EPHA5: variants seen among roughly 807,000 people sequenced by gnomAD.
The protein encoded by EPHA5 is EPH receptor A5, also known as ephrin type-A receptor 5.
Under a neutral mutation model 105.0 loss-of-function variants are expected in EPHA5, and 60 were observed. The ratio of observed to expected loss-of-function variants is 0.57; its 90% CI spans 0.46 to 0.71. The LOEUF is 0.71. EPHA5 is among the 30% of genes least tolerant of loss of function. EPHA5 has a pLI of 0.00. For missense variants in EPHA5, 1,218 were observed against 1,274.7 expected (o/e 0.96, Z 0.68); for synonymous variants, 513 against 449.1 (o/e 1.14, Z -1.80).
At chr4:65,633,794 T>G (rs1346069129) in intron 2 of EPHA5, among the ~76,000 whole-genome samples, 1 of 152,050 alleles carries the variant, frequency 6.6e-6, no homozygotes, top group Non-Finnish European at 1.5e-5. Flanking sequence ...TGTATATGAC[T>G]CTATAAATGC....
At chr4:65,335,615 C>T (rs116772516) in intron 15 of EPHA5, among the ~76,000 whole-genome samples, 12,647 of 151,678 alleles carry the variant, frequency 0.083, 594 homozygotes, top group Middle Eastern at 0.14. Context: ...CATTCCTCCT[C>T]CTCACCTATC....
At chr4:65,353,542 A>G (rs1205803334) in intron 11 of EPHA5, among the ~76,000 whole-genome samples, 2 of 150,986 alleles carry the variant, frequency 1.3e-5, no homozygotes, top group Non-Finnish European at 3.0e-5. Context: ...ACCCTTGCCA[A>G]TATCATCACT....
At chr4:65,517,430 T>G (rs1317001381) in intron 3 of EPHA5, among the ~76,000 whole-genome samples, 2 of 151,920 alleles carry the variant, frequency 1.3e-5, no homozygotes, top group African/African-American at 4.8e-5. Context: ...TTTGAGTAAC[T>G]TTTATTCAGA....
At chr4:65,620,176 T>A (rs1745595575) in intron 2 of EPHA5, among the ~76,000 whole-genome samples, 1 of 150,170 alleles carries the variant, frequency 6.7e-6, no homozygotes. Flanking sequence ...AAGAATGAAG[T>A]ATGTGCCTAG....
chr4:65,392,827 C>A (rs1031604012), intron 8 of EPHA5, among the ~76,000 whole-genome samples: 5 of 152,054 alleles, frequency 3.3e-5, no homozygotes, highest in Non-Finnish European at 7.4e-5. Context: ...GAGATTGATG[C>A]ACAGCTCATC....
In EPHA5 at chr4:65,490,418, G is replaced by T. The variant is rs1731284202; in HGVS notation, c.1361C>A (p.Ala454Asp). ...TACATTTACAGACACATACTGCCGG[G>T]CTCCTGGGCTCAAGTCGGACACTCC... ...VNGVSDLSPG[A>D]RQYVSVNVTT... is the part of the protein sequence containing the mutation. Residue 454 changes from alanine (A) to aspartate (D), a missense_variant, in exon 5 of 17, where the codon GCC (alanine) becomes GAC (aspartate). By Grantham distance (126) the Ala-to-Asp change is moderately radical. Around this residue, in one of 3 missense-constraint regions of EPHA5, gnomAD observed 971 missense variants for 1,013.5 expected, o/e 0.96. Coordinates refer to ENST00000613740, the MANE Select transcript of EPHA5 (RefSeq NM_001281766.3). The T allele has an allele frequency of 4.3e-6, 7 of 1,614,090 alleles. No individual in the cohort carries two copies. Among genetic ancestry groups the T allele is most frequent in the Non-Finnish European group, 5.9e-6 (7 of 1,179,984 alleles).
Position 65,361,326 on chromosome 4 carries a change from A to C in EPHA5, c.2173+3691T>G, listed in dbSNP as rs116528727. Reference sequence around the variant, plus strand: ...GAGAGGACATTTTAGGTCTGAGTGAAGTATCTCAAGGGGGCAGGGCAAGAA... The same window carrying C: ...GAGAGGACATTTTAGGTCTGAGTGACGTATCTCAAGGGGGCAGGGCAAGAA... On this transcript the variant is annotated intron_variant, in intron 11 of 16. Coordinates refer to ENST00000613740, the MANE Select transcript of EPHA5 (RefSeq NM_001281766.3). Among the ~76,000 whole-genome samples, 1,220 of 151,808 alleles carry C rather than the reference A, an allele frequency of 8.0e-3. 12 individuals are homozygous for C. The highest frequency in any genetic ancestry group is 0.028 in the African/African-American group (1,143 of 41,494).
intron 14 of EPHA5, among the ~76,000 whole-genome samples, chr4:65,337,265 A>T (rs1469224702): frequency 1.3e-5 from 2 of 152,100 alleles, no homozygotes; most frequent in African/African-American, 4.8e-5. Context: ...AATATACAAG[A>T]AGTTATTGGT....
chr4:65,587,433 A>G (rs1365475680), intron 3 of EPHA5, among the ~76,000 whole-genome samples: 5 of 152,134 alleles, frequency 3.3e-5, no homozygotes, highest in Non-Finnish European at 7.4e-5. Context: ...AAAATCCTGT[A>G]CTATTTACAG....
intron 1 of EPHA5, among the ~76,000 whole-genome samples, chr4:65,653,824 A>G (rs946900848): frequency 6.6e-6 from 1 of 152,136 alleles, no homozygotes; most frequent in African/African-American, 2.4e-5. Flanking sequence ...TTTTATGCTT[A>G]TTAATTACTC....
At chr4:65,419,454 CCTT>C (rs1723730158) in intron 6 of EPHA5, among the ~76,000 whole-genome samples, 1 of 152,092 alleles carries the variant, frequency 6.6e-6, no homozygotes, top group Non-Finnish European at 1.5e-5. Flanking sequence ...GTGGTTCAGT[CCTT>C]CTCTTCTTTT....
chr4:65,635,424 G>C (rs4288059), intron 2 of EPHA5, among the ~76,000 whole-genome samples: 1 of 151,854 alleles, frequency 6.6e-6, no homozygotes, highest in Non-Finnish European at 1.5e-5. Flanking sequence ...ACTGGAGGAA[G>C]AAAATAGAGC....
At chr4:65,544,941 GA>G (rs11306441) in intron 3 of EPHA5, among the ~76,000 whole-genome samples, 126,087 of 145,274 alleles carry the variant, frequency 0.87, 54,694 homozygotes, top group Admixed American at 0.9. Flanking sequence ...GATGAAGCTG[GA>G]AAAAAAAAAA....
At chr4:65,525,711 A>G (rs1735164523) in intron 3 of EPHA5, among the ~76,000 whole-genome samples, 1 of 151,954 alleles carries the variant, frequency 6.6e-6, no homozygotes, top group African/African-American at 2.4e-5. Context: ...CATTTTCTCA[A>G]AGAAAAGCCC....
intron 13 of EPHA5, among the ~76,000 whole-genome samples, chr4:65,348,661 T>G (rs1048118773): frequency 0.014 from 59 of 4,340 alleles, 1 homozygote; most frequent in Non-Finnish European, 0.025. Flanking sequence ...ACATTGGAGA[T>G]ATATATATAT....
intron 15 of EPHA5, among the ~76,000 whole-genome samples, chr4:65,333,518 T>G (rs536734680): frequency 6.9e-4 from 98 of 142,804 alleles, no homozygotes; most frequent in Middle Eastern, 3.6e-3. Context: ...ATTGTGTGCG[T>G]GTGCGTGTGA....
intron 5 of EPHA5, among the ~76,000 whole-genome samples, chr4:65,436,317 A>G (rs1387710913): frequency 6.6e-6 from 1 of 151,876 alleles, no homozygotes; most frequent in Non-Finnish European, 1.5e-5. Context: ...CTAATCAACT[A>G]CTATCAAGAT....
At chr4:65,632,739 A>C (rs1746765005) in intron 2 of EPHA5, among the ~76,000 whole-genome samples, 1 of 152,012 alleles carries the variant, frequency 6.6e-6, no homozygotes, top group Non-Finnish European at 1.5e-5. Context: ...TAACACTATA[A>C]ATATCTAATT....
At chr4:65,543,647 C>G (rs1217167138) in intron 3 of EPHA5, among the ~76,000 whole-genome samples, 1 of 151,784 alleles carries the variant, frequency 6.6e-6, no homozygotes, top group Admixed American at 6.6e-5. Context: ...GTCATACTGC[C>G]CAAAGTAATT....
Sources: allele counts gnomAD v4.1 joint callset (sites outside exome capture counted in the v4.1 genomes callset), GRCh38; gene constraint gnomAD v4.1.1; regional missense constraint gnomAD v4.1.1; transcripts MANE v1.5; gene names NCBI Gene and HGNC (gene_info 2026-07-23, HGNC 2026-07-21).